The following RASSF3 variants were observed in gnomAD, a reference collection of about 807,000 sequenced individuals.
RASSF3 encodes ras association domain-containing protein 3.
Under a neutral mutation model 19.9 loss-of-function variants are expected in RASSF3, and 19 were observed. The ratio of observed to expected loss-of-function variants is 0.96; its 90% CI spans 0.67 to 1.40. The LOEUF is 1.40. Ranked by LOEUF, RASSF3 falls within the 40% of genes most tolerant of loss-of-function variation. The pLI, the probability that RASSF3 is intolerant of heterozygous loss-of-function variation, is 0.00. For missense variants in RASSF3, 306 were observed against 289.8 expected (o/e 1.06, Z -0.41); for synonymous variants, 110 against 104.2 (o/e 1.06, Z -0.34).
At chr12:64,647,420 T>C (rs952741655) in intron 1 of RASSF3, among the ~76,000 whole-genome samples, 5 of 150,532 alleles carry the variant, frequency 3.3e-5, no homozygotes, top group African/African-American at 1.2e-4. Flanking sequence ...TTCTTTTTTT[T>C]TTTTTGGTGA....
At chr12:64,544,154 C>T (rs960354443), downstream of RASSF3, among the ~76,000 whole-genome samples, 1 of 151,984 alleles carries the variant, frequency 6.6e-6, no homozygotes. Context: ...GGTCACACTG[C>T]GTTTATGAGC....
intron 2 of RASSF3, among the ~76,000 whole-genome samples, chr12:64,579,659 C>T (rs79231227): frequency 0.044 from 6,751 of 151,878 alleles, 205 homozygotes; most frequent in East Asian, 0.066. Flanking sequence ...CCAGCAATAG[C>T]CAAATTCTTT....
At chr12:64,666,150 A>G (rs1305512190) in intron 1 of RASSF3, among the ~76,000 whole-genome samples, 2 of 152,200 alleles carry the variant, frequency 1.3e-5, no homozygotes, top group Non-Finnish European at 2.9e-5. Context: ...TGTGTTTTAC[A>G]TTGTTCAGTG....
chr12:64,638,351 C>T (rs559147376), intron 1 of RASSF3, among the ~76,000 whole-genome samples: 63 of 152,152 alleles, frequency 4.1e-4, no homozygotes, highest in Non-Finnish European at 7.5e-4. Context: ...GAGGCCGAGG[C>T]GGGCGGATCA....
intron 2 of RASSF3, among the ~76,000 whole-genome samples, chr12:64,562,561 C>T (rs1162452159): frequency 6.6e-6 from 1 of 152,148 alleles, no homozygotes; most frequent in Non-Finnish European, 1.5e-5. Flanking sequence ...TGCTCCTCTG[C>T]AGCTAGTTGT....
chr12:64,629,158 A>C (rs976496848), intron 1 of RASSF3, among the ~76,000 whole-genome samples: 2 of 151,344 alleles, frequency 1.3e-5, no homozygotes, highest in Non-Finnish European at 2.9e-5. Flanking sequence ...GCTGGAGTAC[A>C]GTGGCGTGAC....
intron 2 of RASSF3, among the ~76,000 whole-genome samples, chr12:64,560,929 G>A (rs182124817): frequency 4.7e-3 from 713 of 152,274 alleles, no homozygotes; most frequent in South Asian, 8.3e-3. Flanking sequence ...TGGTTGATGG[G>A]GCATCCTTGA....
intron 2 of RASSF3, among the ~76,000 whole-genome samples, chr12:64,573,286 G>A (rs1353621535): frequency 6.6e-6 from 1 of 152,160 alleles, no homozygotes; most frequent in Non-Finnish European, 1.5e-5. Context: ...ACTCCAGCCT[G>A]GGTGACAGAG....
chr12:64,544,102 C>T (rs533098913), downstream of RASSF3, among the ~76,000 whole-genome samples: 40 of 152,218 alleles, frequency 2.6e-4, no homozygotes, highest in South Asian at 8.1e-3. Context: ...CCGCACAGTT[C>T]TTTAGGTGTT....
intron 1 of RASSF3, among the ~76,000 whole-genome samples, chr12:64,659,259 G>A (rs971782632): frequency 3.3e-5 from 5 of 152,174 alleles, no homozygotes; most frequent in Non-Finnish European, 7.3e-5. Flanking sequence ...CAGAGGTGAA[G>A]TGTGGGGATA....
chr12:64,568,645 C>G (rs1466856620), intron 2 of RASSF3, among the ~76,000 whole-genome samples: 1 of 152,092 alleles, frequency 6.6e-6, no homozygotes, highest in African/African-American at 2.4e-5. Context: ...CTGAAAATTT[C>G]CAGAGGTATC....
chr12:64,635,349 G>A (rs187163610), intron 1 of RASSF3, among the ~76,000 whole-genome samples: 1 of 152,260 alleles, frequency 6.6e-6, no homozygotes, highest in East Asian at 1.9e-4. Context: ...TTACGTGCCT[G>A]TCTAATACCC....
rs574194980 is a variant in RASSF3, at chr12:64,507,202, C to T, written c.42C>T (p.Leu14=). ...GTCATTCTGGAACACTCCTGGTTCTCGCTATGGCCATAAGAAGTGACTTTC... is the reference window on the plus strand; with the variant it reads ...GTCATTCTGGAACACTCCTGGTTCTTGCTATGGCCATAAGAAGTGACTTTC... The change falls in exon 1 of 6, where the codon CTC becomes CTT. Residue 14 remains leucine (L), a synonymous_variant. Transcript: ENST00000637125. 4 of 398,496 alleles carry T rather than the reference C, an allele frequency of 1.0e-5. No homozygotes were observed. The Admixed American group carries it at 1.3e-4, about 13-fold the overall frequency. The allele number at this position is 398,496 out of a possible 1,614,324, so 24.7% of individuals were successfully genotyped here. A position where few individuals can be genotyped will look rare whatever the true frequency, so the allele number is the denominator to read the frequency against.
At chr12:64,516,618 C>CAAAAA (rs200931603) in intron 1 of RASSF3, among the ~76,000 whole-genome samples, 127 of 109,100 alleles carry the variant, frequency 1.2e-3, no homozygotes, top group African/African-American at 3.8e-3. Context: ...GACTCCGTCT[C>CAAAAA]AAAAAAAAAA....
At chr12:64,664,832 A>G (rs1245180) in intron 1 of RASSF3, among the ~76,000 whole-genome samples, 47,018 of 152,052 alleles carry the variant, frequency 0.31, 7,456 homozygotes, top group Non-Finnish European at 0.36. Context: ...ACAAGCATTG[A>G]TCTTTGGCTG....
downstream of RASSF3, among the ~76,000 whole-genome samples, chr12:64,544,458 A>G (rs1280683899): frequency 6.6e-5 from 10 of 152,296 alleles, no homozygotes; most frequent in African/African-American, 2.4e-4. Flanking sequence ...CCTGAGACCA[A>G]GAACCCACCA....
rs34463362 is a variant in RASSF3, at chr12:64,594,011, CAAAAAAAAAAAA to C, written c.294+52319_294+52330del. ...TGGGCGACAGGGTGAGACTCTGTCT[CAAAAAAAAAAAA>C]AAAAAAAAAAAAGCAGGGGAGGGCC... is the stretch of plus-strand genomic sequence containing the variant. On this transcript the variant is annotated intron_variant, in intron 2 of 5. Transcript: ENST00000637125. Among the ~76,000 whole-genome samples, 5 of 45,976 alleles carry C rather than the reference CAAAAAAAAAAAA, an allele frequency of 1.1e-4. 1 individual carries two copies. The highest frequency in any genetic ancestry group is 4.3e-4 in the African/African-American group (5 of 11,520). 30.2% of individuals were successfully genotyped at this position (45,976 alleles called of 152,430 possible). A position where few individuals can be genotyped will look rare whatever the true frequency, so the allele number is the denominator to read the frequency against.
At position 64,678,104 on chromosome 12, in the gene RASSF3, G is replaced by C. The variant is rs77686072; in HGVS notation, c.112-6683G>C. Among the ~76,000 whole-genome samples, 555 of 152,276 alleles carry C rather than the reference G, an allele frequency of 3.6e-3. 2 individuals carry two copies. Among genetic ancestry groups the C allele is most frequent in the African/African-American group, 0.013 (533 of 41,562 alleles). On this transcript the variant is annotated intron_variant, in intron 1 of 4. Coordinates refer to ENST00000542104, the MANE Select transcript of RASSF3 (RefSeq NM_178169.4). ...TCCTTATTAGAAGACATCTAGAGGA[G>C]TCAAGACCTAGACTCAGTTCAGTTT...
chr12:64,584,597 C>G (rs1869762473), intron 2 of RASSF3, among the ~76,000 whole-genome samples: 1 of 150,872 alleles, frequency 6.6e-6, no homozygotes, highest in Non-Finnish European at 1.5e-5. Flanking sequence ...AGATATCCTA[C>G]ATCTTCATGA....
Sources: allele counts gnomAD v4.1 joint callset (sites outside exome capture counted in the v4.1 genomes callset), GRCh38; gene constraint gnomAD v4.1.1; transcripts MANE v1.5; gene names NCBI Gene and HGNC (gene_info 2026-07-23, HGNC 2026-07-21).